Variants in ESF1 observed in about 807,000 individuals in gnomAD.
ESF1 encodes ESF1 nucleolar pre-rRNA processing protein, also known as ESF1 homolog.
In ESF1, 58 loss-of-function variants were observed where a neutral mutation model predicts 92.0. The observed-to-expected ratio is 0.63, with a 90% confidence interval of 0.51 to 0.78. The LOEUF (loss-of-function observed/expected upper bound fraction) is 0.78, where lower values mean the gene tolerates loss of function less well. Ranked by LOEUF, ESF1 falls within the 30% of genes least tolerant of loss-of-function variation. The pLI is 0.00. For synonymous variants in ESF1, 321 were observed against 313.7 expected, an observed-to-expected ratio of 1.02 and a Z score of -0.24; for missense variants, 922 against 989.1, an observed-to-expected ratio of 0.93 and a Z score of 0.91.
chr20:13,769,938 T>C lies in ESF1; in HGVS notation c.1487A>G (p.Tyr496Cys). The change falls in exon 7 of 14, where the codon TAT becomes TGT. Residue 496 changes from tyrosine (Y) to cysteine (C), a missense_variant. Tyr to Cys is a radical substitution (Grantham distance 194, BLOSUM62 -2). Coordinates refer to ENST00000617257, the MANE Select transcript of ESF1 (RefSeq NM_001276380.2). Reference sequence around the variant, plus strand: ...TGTTCCCATTGCAGCAGAAGTGAAATATTTTGGTTTATATGCTGTTAAATT... The same window carrying C: ...TGTTCCCATTGCAGCAGAAGTGAAACATTTTGGTTTATATGCTGTTAAATT... ...EVNLTAYKPK[Y>C]FTSAAMGTST... is the part of the protein sequence containing the mutation. 1.2e-6 allele frequency: 2 copies of C among 1,611,570 alleles called. No individual in the cohort carries two copies. Among genetic ancestry groups the C allele is most frequent in the Non-Finnish European group, 1.7e-6 (2 of 1,179,136 alleles).
chr20:13,726,265 A>C (rs2049900217), intron 11 of ESF1, among the ~76,000 whole-genome samples: 1 of 152,126 alleles, frequency 6.6e-6, no homozygotes, highest in African/African-American at 2.4e-5. Context: ...GTAAAATCTA[A>C]ATTTGTTGTC....
intron 5 of ESF1, 33 bp downstream of exon 5, chr20:13,772,482 G>C: frequency 7.0e-7 from 1 of 1,432,174 alleles, no homozygotes; most frequent in Non-Finnish European, 9.8e-7. Flanking sequence ...GAATTTATGA[G>C]GTTTAGTTTT....
In ESF1 at chr20:13,714,851, G is replaced by A. The variant is rs6079146; in HGVS notation, c.*23C>T. 0.13 allele frequency: 201,995 copies of A among 1,563,964 alleles called. 13,746 individuals carry two copies. The highest frequency in any genetic ancestry group is 0.19 in the African/African-American group (14,053 of 72,824). ...TACATTTTAGGAAAAGATGTATTCA[G>A]TTCAAAAATAAGTAACATCCAGTTA... On this transcript the variant is annotated 3_prime_UTR_variant, in exon 14 of 14. Coordinates refer to ENST00000617257, the MANE Select transcript of ESF1 (RefSeq NM_001276380.2).
At chr20:13,725,968 A>T (rs576916463) in intron 11 of ESF1, among the ~76,000 whole-genome samples, 4 of 152,338 alleles carry the variant, frequency 2.6e-5, no homozygotes, top group Non-Finnish European at 5.9e-5. Flanking sequence ...ACATTCTTCC[A>T]TAGACTCAAA....
intron 7 of ESF1, among the ~76,000 whole-genome samples, chr20:13,767,254 T>A (rs534052008): frequency 6.6e-6 from 1 of 152,240 alleles, no homozygotes; most frequent in Admixed American, 6.5e-5. Flanking sequence ...GGGCCAGGCA[T>A]GGTGGCTCAC....
chr20:13,770,446 G>A (rs575078209), intron 6 of ESF1, among the ~76,000 whole-genome samples: 1 of 152,298 alleles, frequency 6.6e-6, no homozygotes, highest in South Asian at 2.1e-4. Context: ...ATGGCTCACT[G>A]AAGTCTCAAC....
At chr20:13,716,632 CTTTT>C (rs1233826098) in intron 13 of ESF1, among the ~76,000 whole-genome samples, 1 of 144,454 alleles carries the variant, frequency 6.9e-6, no homozygotes, top group African/African-American at 2.6e-5. Context: ...AAGACATTTT[CTTTT>C]TTTTTCTTTT....
At chr20:13,719,784 T>C (rs1270170325) in intron 11 of ESF1, among the ~76,000 whole-genome samples, 1 of 152,230 alleles carries the variant, frequency 6.6e-6, no homozygotes, top group African/African-American at 2.4e-5. Context: ...CCCAAGTGAT[T>C]TGAATATATA....
chr20:13,757,113 C>T (rs1201859026), intron 9 of ESF1, among the ~76,000 whole-genome samples: 1 of 151,808 alleles, frequency 6.6e-6, no homozygotes. Context: ...AGTGGAATTA[C>T]AGATGATAAT....
intron 8 of ESF1, 75 bp from the exon 9 acceptor site, chr20:13,759,928 T>C (rs531546590): frequency 2.0e-6 from 3 of 1,482,752 alleles, no homozygotes; most frequent in East Asian, 4.9e-5. Context: ...ATGGTCACTC[T>C]CTTTTAAAAG....
At chr20:13,755,075 C>T (rs890638442) in intron 9 of ESF1, among the ~76,000 whole-genome samples, 14 of 152,254 alleles carry the variant, frequency 9.2e-5, no homozygotes, top group East Asian at 3.9e-4. Context: ...TCTCCTTCAC[C>T]GGAGTATAAG....
chr20:13,728,143 A>C (rs927641961), intron 11 of ESF1, among the ~76,000 whole-genome samples: 1 of 152,166 alleles, frequency 6.6e-6, no homozygotes, highest in African/African-American at 2.4e-5. Context: ...GTAAACTATT[A>C]ACCACATTAT....
At chr20:13,752,339 C>T (rs1978676594) in intron 9 of ESF1, among the ~76,000 whole-genome samples, 1 of 152,180 alleles carries the variant, frequency 6.6e-6, no homozygotes, top group African/African-American at 2.4e-5. Flanking sequence ...TACAAGAGTG[C>T]ACTGTGACCT....
chr20:13,746,816 CAACT>C (rs1449318836), intron 9 of ESF1, among the ~76,000 whole-genome samples: 1 of 152,204 alleles, frequency 6.6e-6, no homozygotes, highest in Non-Finnish European at 1.5e-5. Flanking sequence ...ATAACAGTCA[CAACT>C]AAATTCAAAC....
chr20:13,759,869 T>G lies in ESF1; in HGVS notation c.1667-16A>C. The G allele has an allele frequency of 6.3e-7, 1 of 1,575,116 alleles. No individual in the cohort carries two copies. The highest frequency in any genetic ancestry group is 1.4e-5 in the African/African-American group (1 of 72,914). ...CCATCATCACCTAATGAAAAAAAAA[T>G]TCACTTAATACACAGAAACAATTCA... On this transcript the variant is annotated splice_polypyrimidine_tract_variant and intron_variant, in intron 8 of 13. Coordinates refer to ENST00000617257, the MANE Select transcript of ESF1 (RefSeq NM_001276380.2).
chr20:13,718,982 T>C lies in ESF1; in HGVS notation c.2041A>G (p.Ile681Val), dbSNP rs2049849732. 1 of 1,601,740 alleles carries C rather than the reference T, an allele frequency of 6.2e-7. No individual in the cohort carries two copies. Among genetic ancestry groups the C allele is most frequent in the South Asian group, 1.1e-5 (1 of 89,320 alleles). ...YFAEEVKQIG[I>V]NKKSVKSAKD... is the part of the protein sequence containing the mutation. ...GCAGATTTTACCGATTTTTTATTTA[T>C]ACCTGGCACAACAAACCAACATAAG... Residue 681 changes from isoleucine to valine, a missense_variant and splice_region_variant, in exon 12 of 14, where the codon ATA (isoleucine) becomes GTA (valine). Coordinates refer to ENST00000617257, the MANE Select transcript of ESF1 (RefSeq NM_001276380.2).
At chr20:13,779,006 A>C (rs6042357) in intron 2 of ESF1, among the ~76,000 whole-genome samples, 104,663 of 151,932 alleles carry the variant, frequency 0.69, 36,251 homozygotes, top group East Asian at 0.89. Flanking sequence ...TGATTGCACC[A>C]CTGCACTCCA....
chr20:13,756,862 C>A (rs1404691329), intron 9 of ESF1, among the ~76,000 whole-genome samples: 1 of 152,160 alleles, frequency 6.6e-6, no homozygotes, highest in Non-Finnish European at 1.5e-5. Flanking sequence ...GAAAAACACA[C>A]CTCTGTTTTA....
chr20:13,779,240 C>T (rs146388789), intron 2 of ESF1, among the ~76,000 whole-genome samples: 316 of 152,052 alleles, frequency 2.1e-3, no homozygotes, highest in African/African-American at 7.2e-3. Context: ...AAAAAAACTG[C>T]TTTACCATTT....
Sources: allele counts gnomAD v4.1 joint callset (sites outside exome capture counted in the v4.1 genomes callset), GRCh38; gene constraint gnomAD v4.1.1; transcripts MANE v1.5; gene names NCBI Gene and HGNC (gene_info 2026-07-23, HGNC 2026-07-21).